The following GREM1 variants were observed in gnomAD, a reference collection of about 807,000 sequenced individuals.
GREM1 encodes the protein gremlin-1.
GREM1 carries 6 observed loss-of-function variants against 13.1 expected under a neutral mutation model. The observed-to-expected ratio is 0.46, with a 90% CI of 0.25 to 0.91. GREM1 has a LOEUF of 0.91. Ranked by LOEUF, GREM1 falls within the 40% of genes least tolerant of loss-of-function variation. The pLI, the probability that GREM1 is intolerant of heterozygous loss-of-function variation, is 0.18. For missense variants in GREM1, 185 were observed against 233.9 expected, an observed-to-expected ratio of 0.79 and a Z score of 1.36; for synonymous variants, 98 against 93.7, an observed-to-expected ratio of 1.05 and a Z score of -0.27.
intron 1 of GREM1, among the ~76,000 whole-genome samples, chr15:32,728,389 A>G (rs2055551723): frequency 6.6e-6 from 1 of 152,248 alleles, no homozygotes; most frequent in Non-Finnish European, 1.5e-5. Context: ...CAAAGGTGGG[A>G]AACCTACAGT....
In GREM1 at chr15:32,738,125, A is replaced by AAAAAAAAAAAAACAAACAAAC; in HGVS notation, c.*6888_*6889insAAAACAAACAAACAAAAAAAA. ...AAAAAAAAAAAAAAAAAAAAAAAAA[A>AAAAAAAAAAAAACAAACAAAC]AAAAAAAAGAAAAGAAAAAAGTCAT... On this transcript the variant is annotated 3_prime_UTR_variant, in exon 2 of 2. Coordinates refer to ENST00000651154, the MANE Select transcript of GREM1 (RefSeq NM_013372.7). The AAAAAAAAAAAAACAAACAAAC allele has an allele frequency of 3.6e-5, 1 of 27,966 alleles. No homozygotes were observed. Among genetic ancestry groups the AAAAAAAAAAAAACAAACAAAC allele is most frequent in the African/African-American group, 1.5e-4 (1 of 6,582 alleles). The allele number at this position is 27,966 out of a possible 1,614,324, so 1.7% of individuals were successfully genotyped here.
intron 1 of GREM1, among the ~76,000 whole-genome samples, chr15:32,723,653 ACT>A (rs2055450653): frequency 2.0e-5 from 3 of 149,012 alleles, no homozygotes; most frequent in Non-Finnish European, 4.4e-5. Flanking sequence ...CCTGTCTGTC[ACT>A]CTAGACCCTT....
chr15:32,732,736 C>G lies in GREM1; in HGVS notation c.*1491C>G. The G allele has an allele frequency of 4.3e-6, 1 of 234,516 alleles. No homozygotes were observed. The highest frequency in any genetic ancestry group is 1.4e-3 in the Middle Eastern group (1 of 696). 14.5% of individuals were successfully genotyped at this position (234,516 alleles called of 1,614,324 possible). A position where few individuals can be genotyped will look rare whatever the true frequency, so the allele number is the denominator to read the frequency against. On this transcript the variant is annotated 3_prime_UTR_variant, in exon 2 of 2. Transcript: ENST00000651154. ...TGGTAGGCACTGTCCTCTGATTAAA[C>G]TTGGCCTACTGGCAATGGCTACTTA... is the stretch of plus-strand genomic sequence containing the variant.
chr15:32,725,923 G>T (rs1254344532), intron 1 of GREM1, among the ~76,000 whole-genome samples: 1 of 152,134 alleles, frequency 6.6e-6, no homozygotes, highest in Non-Finnish European at 1.5e-5. Flanking sequence ...TTTTTGTCAG[G>T]TTTGTCAAAG....
In GREM1 at chr15:32,734,063, T is replaced by TAG. The variant is rs550918345; in HGVS notation, c.*2818_*2819insAG. On this transcript the variant is annotated 3_prime_UTR_variant, in exon 2 of 2. Transcript: ENST00000651154. ...TTTTCTTTTTCTCCTTTATATGACT[T>TAG]TCTCTGAGTTGGGCAAAGAAGAAGC... 7 of 243,082 alleles carry TAG rather than the reference T, an allele frequency of 2.9e-5. No homozygotes were observed. The Admixed American group carries it at 4.0e-4, about 14-fold the overall frequency. The allele number at this position is 243,082 out of a possible 1,614,324, so 15.1% of individuals were successfully genotyped here.
intron 1 of GREM1, among the ~76,000 whole-genome samples, chr15:32,720,408 G>A (rs2055385694): frequency 6.6e-6 from 1 of 152,090 alleles, no homozygotes; most frequent in East Asian, 1.9e-4. Flanking sequence ...ATTTCATGCC[G>A]CAGACACCTC....
rs920374883 is a variant in GREM1 at position 32,737,366 on chromosome 15, T to A, written c.*6121T>A. The A allele has an allele frequency of 3.3e-5, 5 of 152,008 alleles. No individual in the cohort carries two copies. The highest frequency in any genetic ancestry group is 9.7e-5 in the African/African-American group (4 of 41,384). 9.4% of individuals were successfully genotyped at this position (152,008 alleles called of 1,614,324 possible). A position where few individuals can be genotyped will look rare whatever the true frequency, so the allele number is the denominator to read the frequency against. ...TCTTTTAAGTGTAAATGCAAAAAAA[T>A]TCAACAAAATGCTAGATAACTGGGT... On this transcript the variant is annotated 3_prime_UTR_variant, in exon 2 of 2. Transcript: ENST00000651154.
Position 32,734,238 on chromosome 15 carries a change from G to T in GREM1, c.*2993G>T, listed in dbSNP as rs1236016070. 2 of 242,370 alleles carry T rather than the reference G, an allele frequency of 8.3e-6. No individual in the cohort carries two copies. The highest frequency in any genetic ancestry group is 1.7e-5 in the Non-Finnish European group (2 of 114,780). 15.0% of individuals were successfully genotyped at this position (242,370 alleles called of 1,614,324 possible). ...GTTAACATTTCTAAAGCAATATTAA[G>T]AAAGACTTTAAATGTTATTTTGGAA... On this transcript the variant is annotated 3_prime_UTR_variant, in exon 2 of 2. Transcript: ENST00000651154.
At chr15:32,720,524 G>A (rs2055387973) in intron 1 of GREM1, among the ~76,000 whole-genome samples, 1 of 152,158 alleles carries the variant, frequency 6.6e-6, no homozygotes, top group South Asian at 2.1e-4. Context: ...AAGGCAGGTG[G>A]GGGACAGTGG....
rs1292334490 is a variant in GREM1 at position 32,734,163 on chromosome 15, C to T, written c.*2918C>T. The T allele has an allele frequency of 1.2e-5, 3 of 241,160 alleles. No homozygotes were observed. The highest frequency in any genetic ancestry group is 2.6e-5 in the Non-Finnish European group (3 of 113,966). 14.9% of individuals were successfully genotyped at this position (241,160 alleles called of 1,614,324 possible). ...ATCTTGACCCAGCTGAACATGTCTT[C>T]CTGAGTCAGTGCCTGAATCTTTATT... is the stretch of plus-strand genomic sequence containing the variant. On this transcript the variant is annotated 3_prime_UTR_variant, in exon 2 of 2. Transcript: ENST00000651154.
At chr15:32,721,987 A>G (rs1470531437) in intron 1 of GREM1, among the ~76,000 whole-genome samples, 2 of 152,150 alleles carry the variant, frequency 1.3e-5, no homozygotes, top group Admixed American at 6.5e-5. Context: ...TCCCTGTCCT[A>G]TGCAATGTTG....
In GREM1 at chr15:32,735,870, A is replaced by G. The variant is rs941906742; in HGVS notation, c.*4625A>G. The G allele has an allele frequency of 1.3e-5, 2 of 151,948 alleles. No homozygotes were observed. The highest frequency in any genetic ancestry group is 4.9e-5 in the African/African-American group (2 of 41,190). The allele number at this position is 151,948 out of a possible 1,614,324, so 9.4% of individuals were successfully genotyped here. ...TCTCTCCTCCATAAAACTAATGAGAATGTGACAAAAATAGATTCAACTTCT... is the reference window on the plus strand; with the variant it reads ...TCTCTCCTCCATAAAACTAATGAGAGTGTGACAAAAATAGATTCAACTTCT... On this transcript the variant is annotated 3_prime_UTR_variant, in exon 2 of 2. Transcript: ENST00000651154.
chr15:32,731,224 C>A lies in GREM1; in HGVS notation c.534C>A (p.Cys178Ter). Residue 178 changes from cysteine to a stop codon, truncating the protein, a stop_gained, in exon 2 of 2, where the codon TGC (cysteine) becomes TGA (stop). Coordinates refer to ENST00000651154, the MANE Select transcript of GREM1 (RefSeq NM_013372.7). LOFTEE classifies it high-confidence loss of function. ...TCACACGTGTGAAGCAGTGTCGTTGCATATCCATCGATTTGGATTAAGCCA... is the reference window on the plus strand; with the variant it reads ...TCACACGTGTGAAGCAGTGTCGTTGAATATCCATCGATTTGGATTAAGCCA... ...KRVTRVKQCR[C>*]ISIDLD 6.2e-7 allele frequency: 1 copy of A among 1,613,634 alleles called. No homozygotes were observed. The highest frequency in any genetic ancestry group is 8.5e-7 in the Non-Finnish European group (1 of 1,179,678).
Position 32,744,761 on chromosome 15 carries a change from C to T in GREM1, c.*13516C>T, listed in dbSNP as rs1056522152. On this transcript the variant is annotated 3_prime_UTR_variant, in exon 2 of 2. Coordinates refer to ENST00000651154, the MANE Select transcript of GREM1 (RefSeq NM_013372.7). ...AGCACCCAAACTGGTTCTGTAGAGG[C>T]AGGACCTTAGCATATAGCAGAGATA... The T allele has an allele frequency of 1.3e-5, 2 of 151,826 alleles. No homozygotes were observed. Among genetic ancestry groups the T allele is most frequent in the African/African-American group, 4.8e-5 (2 of 41,334 alleles). The allele number at this position is 151,826 out of a possible 1,614,324, so 9.4% of individuals were successfully genotyped here.
At chr15:32,721,036 A>G (rs1438052973) in intron 1 of GREM1, among the ~76,000 whole-genome samples, 1 of 152,182 alleles carries the variant, frequency 6.6e-6, no homozygotes, top group Non-Finnish European at 1.5e-5. Context: ...CATGCCTGCA[A>G]TCCCAGCTAC....
At chr15:32,720,963 C>T (rs2055396510) in intron 1 of GREM1, among the ~76,000 whole-genome samples, 1 of 152,122 alleles carries the variant, frequency 6.6e-6, no homozygotes, top group African/African-American at 2.4e-5. Flanking sequence ...TCGACACCAG[C>T]CTGACCAACA....
intron 1 of GREM1, among the ~76,000 whole-genome samples, chr15:32,719,335 C>G (rs2055363973): frequency 6.6e-6 from 1 of 152,212 alleles, no homozygotes; most frequent in Non-Finnish European, 1.5e-5. Flanking sequence ...TTTGCCTGCG[C>G]CAGGCTCTGG....
chr15:32,718,255 C>T (rs772242365), intron 1 of GREM1, 94 bp downstream of exon 1: 110 of 993,910 alleles, frequency 1.1e-4, no homozygotes, highest in Non-Finnish European at 1.5e-4. Flanking sequence ...GCGCGGCAGC[C>T]CTCCGTGCGC....
chr15:32,733,517 A>G lies in GREM1; in HGVS notation c.*2272A>G, dbSNP rs1419046441. On this transcript the variant is annotated 3_prime_UTR_variant, in exon 2 of 2. Coordinates refer to ENST00000651154, the MANE Select transcript of GREM1 (RefSeq NM_013372.7). ...GTGCAGATTTGGCTCAAGTAAAGAG[A>G]ATTTCCTCAACACTAACTTCACTGG... The G allele has an allele frequency of 8.6e-6, 2 of 232,654 alleles. No individual in the cohort carries two copies. The highest frequency in any genetic ancestry group is 1.8e-5 in the Non-Finnish European group (2 of 108,382). 14.4% of individuals were successfully genotyped at this position (232,654 alleles called of 1,614,324 possible).
Sources: gnomAD v4.1 joint callset for allele counts (sites outside exome capture counted in the v4.1 genomes callset) on GRCh38, gnomAD v4.1.1 for gene constraint, MANE v1.5 for transcripts, NCBI Gene and HGNC (gene_info 2026-07-23, HGNC 2026-07-21) for gene names.